Variants in PRICKLE2 observed in about 807,000 individuals in gnomAD.
PRICKLE2 encodes prickle planar cell polarity protein 2, also known as prickle-like protein 2.
A neutral mutation model predicts 81.4 loss-of-function variants in PRICKLE2; 21 were observed. The ratio of observed to expected loss-of-function variants is 0.26; its 90% CI spans 0.18 to 0.37. PRICKLE2 has a LOEUF of 0.37. PRICKLE2 is among the 10% of genes least tolerant of loss of function. The pLI, the probability that PRICKLE2 is intolerant of heterozygous loss-of-function variation, is 1.00. For synonymous variants in PRICKLE2, 456 were observed against 421.5 expected (o/e 1.08, Z -1.00); for missense variants, 940 against 1,109.0 (o/e 0.85, Z 2.16).
intron 4 of PRICKLE2, among the ~76,000 whole-genome samples, chr3:64,158,840 C>T (rs1265637915): frequency 6.6e-6 from 1 of 152,120 alleles, no homozygotes; most frequent in Non-Finnish European, 1.5e-5. Context: ...CTCACTCTAC[C>T]CCTCTGAAAT....
At chr3:64,217,460 TTAAC>T (rs1350656966) in intron 1 of PRICKLE2, among the ~76,000 whole-genome samples, 1 of 152,168 alleles carries the variant, frequency 6.6e-6, no homozygotes, top group Non-Finnish European at 1.5e-5. Context: ...CATTAAGTAA[TTAAC>T]TAAAACTTTC....
chr3:64,266,011 T>C (rs368547993), intron 2 of PRICKLE2, among the ~76,000 whole-genome samples: 1 of 152,134 alleles, frequency 6.6e-6, no homozygotes. Context: ...AAAAGGCTTG[T>C]TGATGCAGAG....
At chr3:64,116,436 AATAG>A (rs1164020283) in intron 7 of PRICKLE2, among the ~76,000 whole-genome samples, 8 of 152,274 alleles carry the variant, frequency 5.3e-5, no homozygotes, top group Admixed American at 6.5e-5. Context: ...AAAATAATAA[AATAG>A]ATAGACCACT....
chr3:64,158,142 A>T (rs1575601419), intron 4 of PRICKLE2, among the ~76,000 whole-genome samples: 1 of 152,218 alleles, frequency 6.6e-6, no homozygotes, highest in Non-Finnish European at 1.5e-5. Context: ...AGGTCTAGGG[A>T]GATGCTTCTG....
intron 2 of PRICKLE2, among the ~76,000 whole-genome samples, chr3:64,238,155 G>T (rs1486785211): frequency 1.3e-5 from 2 of 152,168 alleles, no homozygotes; most frequent in Non-Finnish European, 2.9e-5. Context: ...AACAGAAGAG[G>T]TTTAGTTATA....
At chr3:64,113,150 G>A (rs1349446749) in intron 7 of PRICKLE2, among the ~76,000 whole-genome samples, 1 of 152,196 alleles carries the variant, frequency 6.6e-6, no homozygotes, top group African/African-American at 2.4e-5. Context: ...TGGCAGGGAG[G>A]GCTGCTTAGG....
At chr3:64,115,924 A>G (rs538624429) in intron 7 of PRICKLE2, among the ~76,000 whole-genome samples, 14 of 152,328 alleles carry the variant, frequency 9.2e-5, no homozygotes, top group African/African-American at 3.4e-4. Context: ...CATATATTCT[A>G]AAATAGATCA....
At chr3:64,142,384 C>A (rs2077377317) in intron 7 of PRICKLE2, among the ~76,000 whole-genome samples, 1 of 149,356 alleles carries the variant, frequency 6.7e-6, no homozygotes, top group South Asian at 2.1e-4. Flanking sequence ...GATCCTGGCT[C>A]ACTGAAACCT....
chr3:64,254,108 T>C (rs945974145), intron 2 of PRICKLE2, among the ~76,000 whole-genome samples: 5 of 152,228 alleles, frequency 3.3e-5, no homozygotes, highest in African/African-American at 1.2e-4. Context: ...CAGAGTGTTC[T>C]AATGTCCACA....
intron 2 of PRICKLE2, among the ~76,000 whole-genome samples, chr3:64,236,754 G>T (rs1028741955): frequency 7.2e-5 from 11 of 152,162 alleles, no homozygotes; most frequent in African/African-American, 2.4e-4. Context: ...TGTGATGTTG[G>T]ACAAAGTTAT....
rs146760514 is a variant in PRICKLE2, at chr3:64,183,207, G to T, written c.144+15577C>A. Among the ~76,000 whole-genome samples, 5 of 152,136 alleles carry T rather than the reference G, an allele frequency of 3.3e-5. No individual in the cohort carries two copies. In the East Asian group the frequency reaches 9.6e-4, roughly 29 times the overall value. On this transcript the variant is annotated intron_variant, in intron 2 of 7. Coordinates refer to ENST00000638394, the MANE Select transcript of PRICKLE2 (RefSeq NM_198859.4). The stretch of plus-strand genomic sequence containing the variant: ...CCAGAATTTGAACAAATACAATTAG[G>T]CAAGATATAAAGGGATGTTACAATT...
At chr3:64,165,348 T>G (rs775838319) in intron 2 of PRICKLE2, among the ~76,000 whole-genome samples, 4 of 152,184 alleles carry the variant, frequency 2.6e-5, no homozygotes, top group Non-Finnish European at 4.4e-5. Context: ...CTCTGTTGTT[T>G]CCCATCTCTG....
intron 2 of PRICKLE2, among the ~76,000 whole-genome samples, chr3:64,172,901 C>T (rs1019532250): frequency 1.3e-5 from 2 of 152,166 alleles, no homozygotes; most frequent in African/African-American, 4.8e-5. Context: ...GGAAGAAAAG[C>T]CTCACCAGAA....
At chr3:64,129,978 G>A (rs921866871) in intron 7 of PRICKLE2, among the ~76,000 whole-genome samples, 27 of 152,210 alleles carry the variant, frequency 1.8e-4, no homozygotes, top group African/African-American at 6.5e-4. Context: ...AAGATTAAGG[G>A]CTGATGTCAC....
chr3:64,099,127 T>G lies in PRICKLE2; in HGVS notation c.2459A>C (p.Lys820Thr). The G allele has an allele frequency of 6.2e-7, 1 of 1,614,220 alleles. No homozygotes were observed. The change falls in exon 8 of 8, where the codon AAA becomes ACA. Residue 820 changes from lysine to threonine, a missense_variant. Physicochemically the swap from Lys to Thr is moderately conservative, Grantham distance 78. Coordinates refer to ENST00000638394, the MANE Select transcript of PRICKLE2 (RefSeq NM_198859.4). The surrounding 1 kb of genome is among the most constrained non-coding windows in gnomAD (Gnocchi z 4.3). Reference sequence around the variant, plus strand: ...TCCTCTGCCACCTAATGTGGAAGATTTGGGGAGGCCGTAGGAGCTGTATTT... The same window carrying G: ...TCCTCTGCCACCTAATGTGGAAGATGTGGGGAGGCCGTAGGAGCTGTATTT... Reference protein sequence around the residue: ...LHKYSSYGLPKSSTLGGRGQL... With the variant: ...LHKYSSYGLPTSSTLGGRGQL...
intron 7 of PRICKLE2, among the ~76,000 whole-genome samples, chr3:64,110,443 C>CA (rs1187200577): frequency 6.6e-6 from 1 of 152,070 alleles, no homozygotes; most frequent in East Asian, 1.9e-4. Context: ...TTTAAGAGGA[C>CA]AACGTAGAAG....
At chr3:64,254,583 T>G (rs1251155972) in intron 2 of PRICKLE2, among the ~76,000 whole-genome samples, 4 of 152,206 alleles carry the variant, frequency 2.6e-5, no homozygotes, top group Non-Finnish European at 5.9e-5. Context: ...ACATTATACA[T>G]TTGACCAACA....
At chr3:64,156,989 C>T (rs1420772188) in intron 5 of PRICKLE2, among the ~76,000 whole-genome samples, 173 bp downstream of exon 5, 32 of 152,316 alleles carry the variant, frequency 2.1e-4, no homozygotes, top group Non-Finnish European at 4.4e-5. Context: ...CAGGCCGCAA[C>T]CCCAGACATT....
In PRICKLE2 at chr3:64,198,792, G is replaced by A. The variant is rs2078511843; in HGVS notation, c.136C>T (p.Pro46Ser). ...EYAWVPPGLKPEQVHQYYSCL... is the reference protein window; with the variant it reads ...EYAWVPPGLKSEQVHQYYSCL... ...CCCATCCAGAATGGTACCTGTTCAGGCTTCAGACCCGGCGGGACCCAGGCA... is the reference window on the plus strand; with the variant it reads ...CCCATCCAGAATGGTACCTGTTCAGACTTCAGACCCGGCGGGACCCAGGCA... Residue 46 changes from proline to serine, a missense_variant, in exon 2 of 8, where the codon CCT (proline) becomes TCT (serine). Physicochemically the swap from Pro to Ser is moderately conservative, Grantham distance 74. Coordinates refer to ENST00000638394, the MANE Select transcript of PRICKLE2 (RefSeq NM_198859.4). 6.2e-7 allele frequency: 1 copy of A among 1,613,974 alleles called. No individual in the cohort carries two copies. Among genetic ancestry groups the A allele is most frequent in the South Asian group, 1.1e-5 (1 of 91,080 alleles).
Sources: allele counts gnomAD v4.1 joint callset (sites outside exome capture counted in the v4.1 genomes callset), GRCh38; gene constraint gnomAD v4.1.1; non-coding constraint Gnocchi (gnomAD v3.1); transcripts MANE v1.5; gene names NCBI Gene and HGNC (gene_info 2026-07-23, HGNC 2026-07-21).